MEIKIN: variants seen among roughly 807,000 people sequenced by gnomAD.
MEIKIN encodes the protein meiosis-specific kinetochore protein.
intron 4 of MEIKIN, among the ~76,000 whole-genome samples, chr5:131,939,733 T>C (rs751676732): frequency 1.3e-5 from 2 of 152,180 alleles, no homozygotes; most frequent in African/African-American, 2.4e-5. Context: ...AGGTTTCAAA[T>C]ATCAATCAGC....
chr5:131,894,573 G>T (rs566077116), intron 8 of MEIKIN, among the ~76,000 whole-genome samples: 1 of 152,018 alleles, frequency 6.6e-6, no homozygotes, highest in African/African-American at 2.4e-5. Flanking sequence ...CTTTTATTTT[G>T]TTGAGCAGTG....
intron 11 of MEIKIN, among the ~76,000 whole-genome samples, chr5:131,824,995 G>A (rs1394803846): frequency 6.6e-6 from 1 of 151,884 alleles, no homozygotes; most frequent in South Asian, 2.1e-4. Context: ...AAGCCAAGCT[G>A]GGTAATATAG....
At chr5:131,894,993 T>C (rs1213184812) in intron 8 of MEIKIN, among the ~76,000 whole-genome samples, 1 of 152,220 alleles carries the variant, frequency 6.6e-6, no homozygotes, top group Non-Finnish European at 1.5e-5. Flanking sequence ...TCAAAGGGAA[T>C]GCTTCCAATT....
chr5:131,851,849 C>T (rs1014928778), intron 10 of MEIKIN, among the ~76,000 whole-genome samples: 5 of 152,152 alleles, frequency 3.3e-5, no homozygotes, highest in African/African-American at 4.8e-5. Context: ...ATGCAAAAAA[C>T]CAACACTATG....
At chr5:131,930,528 T>C (rs1751671983) in intron 5 of MEIKIN, among the ~76,000 whole-genome samples, 1 of 152,230 alleles carries the variant, frequency 6.6e-6, no homozygotes, top group South Asian at 2.1e-4. Flanking sequence ...TTTCTTGCAA[T>C]TGCTTTTGGA....
intron 6 of MEIKIN, among the ~76,000 whole-genome samples, chr5:131,919,021 C>G (rs925603553): frequency 3.3e-5 from 5 of 152,014 alleles, no homozygotes; most frequent in African/African-American, 1.2e-4. Flanking sequence ...ATACCATGAA[C>G]AAAAAGACAA....
intron 8 of MEIKIN, among the ~76,000 whole-genome samples, chr5:131,889,886 A>G (rs993175889): frequency 2.0e-5 from 3 of 152,214 alleles, no homozygotes; most frequent in African/African-American, 4.8e-5. Flanking sequence ...GATACGTCCC[A>G]TCAATACCTA....
intron 10 of MEIKIN, among the ~76,000 whole-genome samples, chr5:131,851,792 G>T (rs1029048733): frequency 6.6e-6 from 1 of 152,170 alleles, no homozygotes; most frequent in Non-Finnish European, 1.5e-5. Flanking sequence ...AAAGATGACT[G>T]ATTGATTTAG....
chr5:131,908,437 TA>T (rs1751280444), intron 8 of MEIKIN, among the ~76,000 whole-genome samples: 1 of 152,122 alleles, frequency 6.6e-6, no homozygotes, highest in Non-Finnish European at 1.5e-5. Flanking sequence ...CTCAATATAA[TA>T]AAAGCCAATA....
chr5:131,833,737 G>C (rs1243708758), intron 11 of MEIKIN, among the ~76,000 whole-genome samples: 1 of 152,144 alleles, frequency 6.6e-6, no homozygotes, highest in African/African-American at 2.4e-5. Context: ...ACCTCCCAAT[G>C]GGTCCCTCCC....
At chr5:131,814,281 T>G (rs1447388261) in intron 12 of MEIKIN, among the ~76,000 whole-genome samples, 1 of 146,560 alleles carries the variant, frequency 6.8e-6, no homozygotes, top group Non-Finnish European at 1.5e-5. Context: ...GACAGATCTT[T>G]TTTTTTTTTT....
chr5:131,945,355 A>G, intron 1 of MEIKIN, 45 bp downstream of exon 1: 1 of 398,972 alleles, frequency 2.5e-6, no homozygotes, highest in Non-Finnish European at 4.4e-6. Flanking sequence ...CCCGTCCCGG[A>G]GGCAGCTCGG....
At position 131,826,640 on chromosome 5, in the gene MEIKIN, G is replaced by A. The variant is rs1209785374; in HGVS notation, c.976-7777C>T. 2.0e-5 allele frequency among the ~76,000 whole-genome samples: 3 copies of A among 152,318 alleles called. No individual in the cohort carries two copies. In the East Asian group the frequency reaches 5.8e-4, roughly 29 times the overall value. The stretch of plus-strand genomic sequence containing the variant: ...CCATGTTGGAAGAGGGACCTAGTGA[G>A]AGATGACTGGATCCTGGAGGCAGTT... On this transcript the variant is annotated intron_variant, in intron 11 of 12. Transcript: ENST00000442687.
At chr5:131,810,347 T>G (rs1391005318) in intron 12 of MEIKIN, among the ~76,000 whole-genome samples, 1 of 152,168 alleles carries the variant, frequency 6.6e-6, no homozygotes, top group Non-Finnish European at 1.5e-5. Flanking sequence ...ATCTTAAAAT[T>G]TACTATAAGG....
intron 4 of MEIKIN, among the ~76,000 whole-genome samples, chr5:131,941,136 CTCT>C (rs1751862607): frequency 8.1e-6 from 1 of 122,744 alleles, no homozygotes; most frequent in South Asian, 2.8e-4. Flanking sequence ...CCTTCAAGAT[CTCT>C]TCCTTTTTTT....
rs545025983 is a variant in MEIKIN at position 131,939,104 on chromosome 5, C to T, written c.349+3531G>A. Among the ~76,000 whole-genome samples the T allele has an allele frequency of 3.0e-4, 46 of 152,316 alleles. 1 individual carries two copies. Among genetic ancestry groups the T allele is most frequent in the African/African-American group, 1.0e-3 (43 of 41,582 alleles). The stretch of plus-strand genomic sequence containing the variant: ...CTTTCACTTAATTCCCTTTCCTCCC[C>T]GGCCACTGCTAGTTTTCAGTACAGT... On this transcript the variant is annotated intron_variant, in intron 4 of 12. Coordinates refer to ENST00000442687, the MANE Select transcript of MEIKIN (RefSeq NM_001303622.2).
At chr5:131,925,457 CATT>C (rs1437241039) in intron 5 of MEIKIN, among the ~76,000 whole-genome samples, 3 of 152,106 alleles carry the variant, frequency 2.0e-5, no homozygotes, top group Non-Finnish European at 4.4e-5. Context: ...TTTTATTCAT[CATT>C]GTTTTCCAGC....
chr5:131,870,532 T>C (rs1471177260), intron 9 of MEIKIN, among the ~76,000 whole-genome samples: 1 of 152,136 alleles, frequency 6.6e-6, no homozygotes, highest in East Asian at 1.9e-4. Context: ...ATACAGTACA[T>C]CTGTTCCCCT....
At chr5:131,896,121 T>C (rs1751045683) in intron 8 of MEIKIN, among the ~76,000 whole-genome samples, 1 of 152,208 alleles carries the variant, frequency 6.6e-6, no homozygotes, top group African/African-American at 2.4e-5. Flanking sequence ...ACATCTTTAT[T>C]TCTGCCTTGA....
Sources: allele counts gnomAD v4.1 joint callset (sites outside exome capture counted in the v4.1 genomes callset), GRCh38; gene constraint gnomAD v4.1.1; transcripts MANE v1.5; gene names NCBI Gene and HGNC (gene_info 2026-07-23, HGNC 2026-07-21).